FCHO2: variants seen among roughly 807,000 people sequenced by gnomAD.
FCHO2 encodes the protein F-BAR domain only protein 2.
A neutral mutation model predicts 114.1 loss-of-function variants in FCHO2; 43 were observed. The observed-to-expected ratio is 0.38, with a 90% CI of 0.30 to 0.49. The LOEUF (loss-of-function observed/expected upper bound fraction) is 0.49. Among genes scored for constraint, FCHO2 ranks in the 20% least tolerant of loss-of-function variants. The probability of loss-of-function intolerance (pLI) is 0.97; values close to 1 mark genes in which losing one functional copy is unlikely to be tolerated. For synonymous variants in FCHO2, 293 were observed against 315.2 expected (o/e 0.93, Z 0.75); for missense variants, 807 against 950.4 (o/e 0.85, Z 1.98).
chr5:72,956,896 G>GTT (rs113083385), intron 1 of FCHO2, among the ~76,000 whole-genome samples: 47 of 144,182 alleles, frequency 3.3e-4, no homozygotes, highest in African/African-American at 9.8e-4. Flanking sequence ...TGCAGTTATT[G>GTT]TTTTTTTTTT....
intron 8 of FCHO2, among the ~76,000 whole-genome samples, chr5:73,025,715 A>T (rs1248281083): frequency 6.6e-6 from 1 of 152,134 alleles, no homozygotes; most frequent in East Asian, 1.9e-4. Flanking sequence ...TGGGCACCTG[A>T]GCAAATGAGT....
rs987854103 is a variant in FCHO2, at chr5:72,968,114, C to T, written c.34-384C>T. 6.6e-5 allele frequency among the ~76,000 whole-genome samples: 10 copies of T among 151,294 alleles called. No homozygotes were observed. The East Asian group carries it at 9.8e-4, about 15-fold the overall frequency. ...TAATTTTTTGTATTTTAAGTAGAGACGGGGTTTCACCATGTTAGCCAGGAT... is the reference window on the plus strand; with the variant it reads ...TAATTTTTTGTATTTTAAGTAGAGATGGGGTTTCACCATGTTAGCCAGGAT... On this transcript the variant is annotated intron_variant, in intron 1 of 25. Coordinates refer to ENST00000430046, the MANE Select transcript of FCHO2 (RefSeq NM_138782.3).
intron 11 of FCHO2, among the ~76,000 whole-genome samples, chr5:73,049,679 G>GTCACATC (rs1757250602): frequency 6.6e-6 from 1 of 152,026 alleles, no homozygotes. Flanking sequence ...CAACTTATGG[G>GTCACATC]AATTTTATGA....
Position 73,017,252 on chromosome 5 carries a change from T to C in FCHO2, c.740T>C (p.Val247Ala), listed in dbSNP as rs143520046. 3,667 of 1,562,996 alleles carry C rather than the reference T, an allele frequency of 2.3e-3. 11 individuals are homozygous for C. Among genetic ancestry groups the C allele is most frequent in the Admixed American group, 5.8e-3 (307 of 52,874 alleles). ...ATAAATAACATGGCTAATACTACAG[T>C]TGAAAGTTTGATACAAAAATTTGCT... The part of the protein sequence containing the change: ...EFINNMANTT[V>A]ESLIQKFAES... Residue 247 changes from valine (V) to alanine (A), a missense_variant, in exon 8 of 26, where the codon GTT (valine) becomes GCT (alanine). Val to Ala is a moderately conservative substitution (Grantham distance 64). Coordinates refer to ENST00000430046, the MANE Select transcript of FCHO2 (RefSeq NM_138782.3).
intron 24 of FCHO2, among the ~76,000 whole-genome samples, chr5:73,083,093 C>A (rs1256928209): frequency 1.3e-5 from 2 of 151,876 alleles, no homozygotes; most frequent in Non-Finnish European, 2.9e-5. Flanking sequence ...ACTATGTTAC[C>A]CAGGATGGTC....
intron 1 of FCHO2, among the ~76,000 whole-genome samples, chr5:72,956,897 T>G (rs74876091): frequency 7.4e-6 from 1 of 135,652 alleles, no homozygotes; most frequent in Non-Finnish European, 1.5e-5. Flanking sequence ...GCAGTTATTG[T>G]TTTTTTTTTT....
chr5:73,018,774 T>G (rs1245803078), intron 8 of FCHO2, among the ~76,000 whole-genome samples: 1 of 152,230 alleles, frequency 6.6e-6, no homozygotes, highest in African/African-American at 2.4e-5. Flanking sequence ...CATTCATTTA[T>G]ATTTGAGCCA....
At chr5:72,966,936 G>C (rs1435513645) in intron 1 of FCHO2, among the ~76,000 whole-genome samples, 1 of 152,174 alleles carries the variant, frequency 6.6e-6, no homozygotes, top group Non-Finnish European at 1.5e-5. Flanking sequence ...GGATTCATAG[G>C]ATTAAACAAC....
intron 5 of FCHO2, among the ~76,000 whole-genome samples, chr5:72,999,717 G>A (rs112509755): frequency 0.017 from 2,532 of 151,960 alleles, 72 homozygotes; most frequent in African/African-American, 0.053. Context: ...CACTTAGTAG[G>A]TACTCATGTT....
chr5:73,009,190 AG>A lies in FCHO2; in HGVS notation c.600+2642del, dbSNP rs1276510772. On this transcript the variant is annotated intron_variant, in intron 6 of 25. Transcript: ENST00000430046. ...AATAAGGCTTCAAGTCTAGTGAGAT[AG>A]AAAGTTGCAATTTCTGTAGCAACTG... Among the ~76,000 whole-genome samples the A allele has an allele frequency of 5.9e-5, 9 of 152,348 alleles. No individual in the cohort carries two copies. In the East Asian group the frequency reaches 9.6e-4, roughly 16 times the overall value.
intron 11 of FCHO2, among the ~76,000 whole-genome samples, chr5:73,042,368 C>T (rs1450062520): frequency 6.6e-6 from 1 of 152,016 alleles, no homozygotes; most frequent in African/African-American, 2.4e-5. Flanking sequence ...TATTTTTATG[C>T]ATTTTATTTC....
chr5:73,026,501 C>G (rs1447290915), intron 8 of FCHO2, among the ~76,000 whole-genome samples: 1 of 151,916 alleles, frequency 6.6e-6, no homozygotes, highest in Non-Finnish European at 1.5e-5. Flanking sequence ...ATAAGTTAAC[C>G]TATTTCTCTG....
intron 8 of FCHO2, chr5:73,020,712 G>T: frequency 8.3e-7 from 1 of 1,209,868 alleles, no homozygotes; most frequent in Non-Finnish European, 1.2e-6. Flanking sequence ...GAAGAAATTG[G>T]ATGCTCATTT....
intron 1 of FCHO2, 98 bp downstream of exon 1, chr5:72,956,227 C>T: frequency 6.8e-7 from 1 of 1,470,224 alleles, no homozygotes; most frequent in Non-Finnish European, 9.1e-7. Flanking sequence ...GGCGGCCCCT[C>T]CGGCAGGGCG....
intron 24 of FCHO2, among the ~76,000 whole-genome samples, chr5:73,087,259 A>G (rs1317385148): frequency 6.6e-6 from 1 of 152,080 alleles, no homozygotes; most frequent in Non-Finnish European, 1.5e-5. Flanking sequence ...TATGCCACCT[A>G]TATCCCTCCT....
chr5:73,036,480 C>T (rs900445286), intron 9 of FCHO2, among the ~76,000 whole-genome samples: 1 of 152,010 alleles, frequency 6.6e-6, no homozygotes, highest in Non-Finnish European at 1.5e-5. Context: ...CTCAAGCAAT[C>T]CTCTCACCCC....
At chr5:73,059,741 C>T (rs1203690733) in intron 17 of FCHO2, among the ~76,000 whole-genome samples, 3 of 151,944 alleles carry the variant, frequency 2.0e-5, no homozygotes, top group African/African-American at 7.2e-5. Flanking sequence ...GATAGTTGAA[C>T]ATAATCTGAA....
At chr5:73,075,407 T>C (rs1742866461) in intron 20 of FCHO2, among the ~76,000 whole-genome samples, 1 of 152,084 alleles carries the variant, frequency 6.6e-6, no homozygotes, top group African/African-American at 2.4e-5. Context: ...TAAAAGCATA[T>C]TTGGTATATT....
chr5:73,062,455 T>C (rs1757895579), intron 17 of FCHO2, among the ~76,000 whole-genome samples: 1 of 152,052 alleles, frequency 6.6e-6, no homozygotes, highest in South Asian at 2.1e-4. Context: ...GCTAGTTTCA[T>C]TGATGATGAA....
Sources: gnomAD v4.1 joint callset for allele counts (sites outside exome capture counted in the v4.1 genomes callset) on GRCh38, gnomAD v4.1.1 for gene constraint, MANE v1.5 for transcripts, NCBI Gene and HGNC (gene_info 2026-07-23, HGNC 2026-07-21) for gene names.